ATAD2B: variants seen among roughly 807,000 people sequenced by gnomAD.
ATAD2B encodes ATPase family AAA domain containing 2B.
ATAD2B carries 40 observed loss-of-function variants against 167.6 expected under a neutral mutation model. The ratio of observed to expected loss-of-function variants is 0.24; its 90% CI spans 0.19 to 0.31. The LOEUF is 0.31. Among genes scored for constraint, ATAD2B ranks in the 10% least tolerant of loss-of-function variants. The probability of loss-of-function intolerance (pLI) is 1.00; values close to 1 mark genes in which losing one functional copy is unlikely to be tolerated. For synonymous variants in ATAD2B, 579 were observed against 596.5 expected (o/e 0.97, Z 0.43); for missense variants, 1,242 against 1,757.2 (o/e 0.71, Z 5.24).
At chr2:23,771,651 C>T (rs1324644142) in intron 22 of ATAD2B, among the ~76,000 whole-genome samples, 1 of 152,090 alleles carries the variant, frequency 6.6e-6, no homozygotes, top group African/African-American at 2.4e-5. Context: ...CCTTTTTCCT[C>T]TTTTTCTCAC....
At chr2:23,857,773 G>A (rs1297628142) in intron 12 of ATAD2B, among the ~76,000 whole-genome samples, 2 of 126,640 alleles carry the variant, frequency 1.6e-5, no homozygotes, top group Non-Finnish European at 1.6e-5. Context: ...ACGGAGTCTC[G>A]CTCTGTCACC....
At chr2:23,881,172 G>A (rs992492033) in intron 6 of ATAD2B, among the ~76,000 whole-genome samples, 5 of 152,040 alleles carry the variant, frequency 3.3e-5, no homozygotes, top group Non-Finnish European at 5.9e-5. Context: ...ATGCTTATAG[G>A]TAATTACTAA....
At chr2:23,775,501 C>T (rs930519879) in intron 22 of ATAD2B, among the ~76,000 whole-genome samples, 1 of 152,006 alleles carries the variant, frequency 6.6e-6, no homozygotes, top group African/African-American at 2.4e-5. Context: ...CGTGAGCCAC[C>T]GTGCCCAGCC....
At chr2:23,810,947 G>T (rs928506045) in intron 17 of ATAD2B, among the ~76,000 whole-genome samples, 1 of 151,278 alleles carries the variant, frequency 6.6e-6, no homozygotes, top group African/African-American at 2.4e-5. Flanking sequence ...GGAGGCGAAG[G>T]TTGCAGTGAG....
rs777450677 is a variant in ATAD2B, at chr2:23,895,955, C to A, written c.232G>T (p.Gly78Cys). The A allele has an allele frequency of 5.0e-6, 8 of 1,611,812 alleles. No homozygotes were observed. The highest frequency in any genetic ancestry group is 6.8e-6 in the Non-Finnish European group (8 of 1,178,602). ...GATACGTGGCTATCACTTAAACTAC[C>A]ATCAACTTCAACTTTCTGAAAGACA... ...LDEARKVEVD[G>C]SLSDSHVSPP... Residue 78 changes from glycine (G) to cysteine (C), a missense_variant, in exon 2 of 28, where the codon GGT becomes TGT. By Grantham distance (159) the Gly-to-Cys change is radical. Transcript: ENST00000238789.
chr2:23,769,538 CAT>C (rs1677978395), intron 22 of ATAD2B, among the ~76,000 whole-genome samples: 1 of 152,106 alleles, frequency 6.6e-6, no homozygotes, highest in Admixed American at 6.5e-5. Context: ...GACTATAATA[CAT>C]ATGTTAAACA....
At chr2:23,735,239 T>G in the ATAD2B span, among the ~76,000 whole-genome samples, 1 of 152,220 alleles carries the variant, frequency 6.6e-6, no homozygotes. Flanking sequence ...AAACTGACTT[T>G]TTGACCTCTA....
At chr2:23,923,949 G>T (rs1307881779) in intron 1 of ATAD2B, among the ~76,000 whole-genome samples, 1 of 152,148 alleles carries the variant, frequency 6.6e-6, no homozygotes, top group Non-Finnish European at 1.5e-5. Flanking sequence ...TTGGGAGGCC[G>T]AGGCGGGCTG....
At position 23,923,743 on chromosome 2, in the gene ATAD2B, A is replaced by T. The variant is rs569893609; in HGVS notation, c.216+2812T>A. Reference sequence around the variant, plus strand: ...ATATTTTCCCCCATCCTATGCATATACTACTTGGGAAAAAGACAAAACTTT... The same window carrying T: ...ATATTTTCCCCCATCCTATGCATATTCTACTTGGGAAAAAGACAAAACTTT... On this transcript the variant is annotated intron_variant, in intron 1 of 27. Coordinates refer to ENST00000238789, the MANE Select transcript of ATAD2B (RefSeq NM_017552.4). Among the ~76,000 whole-genome samples, 5 of 152,358 alleles carry T rather than the reference A, an allele frequency of 3.3e-5. No homozygotes were observed. The South Asian group carries it at 1.0e-3, about 32-fold the overall frequency.
At chr2:23,713,524 C>T in the ATAD2B span, among the ~76,000 whole-genome samples, 1 of 152,022 alleles carries the variant, frequency 6.6e-6, no homozygotes, top group African/African-American at 2.4e-5. Flanking sequence ...TTGCAGAACA[C>T]TTTCATCACC....
intron 25 of ATAD2B, among the ~76,000 whole-genome samples, chr2:23,755,968 G>C (rs950941904): frequency 1.3e-5 from 2 of 152,096 alleles, no homozygotes; most frequent in African/African-American, 4.8e-5. Context: ...CCAAATGAAA[G>C]CTTCAGGTCA....
At chr2:23,783,641 T>A (rs1680385038) in intron 21 of ATAD2B, among the ~76,000 whole-genome samples, 1 of 152,072 alleles carries the variant, frequency 6.6e-6, no homozygotes, top group African/African-American at 2.4e-5. Flanking sequence ...CAAACAAACA[T>A]GCTGCTTTCT....
At chr2:23,716,956 CAGA>C in the ATAD2B span, among the ~76,000 whole-genome samples, 5 of 152,166 alleles carry the variant, frequency 3.3e-5, no homozygotes, top group African/African-American at 9.7e-5. Context: ...CTGTGCTTGG[CAGA>C]AGAACACACC....
At chr2:23,770,325 T>C (rs10183686) in intron 22 of ATAD2B, among the ~76,000 whole-genome samples, 50 of 151,782 alleles carry the variant, frequency 3.3e-4, no homozygotes, top group Middle Eastern at 3.4e-3. Flanking sequence ...AAAAAATAAA[T>C]AAACAAATAA....
intron 22 of ATAD2B, among the ~76,000 whole-genome samples, chr2:23,781,285 AATCATGT>A (rs1478110576): frequency 1.3e-5 from 2 of 152,034 alleles, no homozygotes; most frequent in African/African-American, 4.8e-5. Flanking sequence ...CACTCTGTCT[AATCATGT>A]CTAAACACAG....
In ATAD2B at chr2:23,782,934, A is replaced by T. The variant is rs1188854858; in HGVS notation, c.3068T>A (p.Phe1023Tyr). The T allele has an allele frequency of 6.2e-7, 1 of 1,611,726 alleles. No homozygotes were observed. The highest frequency in any genetic ancestry group is 8.5e-7 in the Non-Finnish European group (1 of 1,178,230). The change falls in exon 22 of 28, where the codon TTC becomes TAC. Residue 1023 changes from phenylalanine (F) to tyrosine (Y), a missense_variant. Physicochemically the swap from Phe to Tyr is conservative, Grantham distance 22. Transcript: ENST00000238789. ...DKHNYLTAKD[F>Y]LKDIDLICSN... Reference sequence around the variant, plus strand: ...ACAGATGAGGTCAATATCTTTCAGGAAATCCTTTGCAGTCAGGTAATTATG... The same window carrying T: ...ACAGATGAGGTCAATATCTTTCAGGTAATCCTTTGCAGTCAGGTAATTATG...
At chr2:23,887,032 CT>C (rs1368731193) in intron 4 of ATAD2B, among the ~76,000 whole-genome samples, 4 of 152,032 alleles carry the variant, frequency 2.6e-5, no homozygotes, top group Admixed American at 6.6e-5. Context: ...AATCCCAGCA[CT>C]TTGGGAGGCC....
the ATAD2B span, among the ~76,000 whole-genome samples, chr2:23,694,698 C>A: frequency 1.3e-5 from 2 of 152,194 alleles, no homozygotes; most frequent in Non-Finnish European, 2.9e-5. Context: ...ACACACCATT[C>A]TCTTTCACTC....
intron 16 of ATAD2B, among the ~76,000 whole-genome samples, chr2:23,822,012 C>A (rs775484201): frequency 6.6e-6 from 1 of 152,138 alleles, no homozygotes; most frequent in Non-Finnish European, 1.5e-5. Flanking sequence ...AAAGTACAAT[C>A]TGAGGCTTGA....
Sources: allele counts gnomAD v4.1 joint callset (sites outside exome capture counted in the v4.1 genomes callset), GRCh38; gene constraint gnomAD v4.1.1; transcripts MANE v1.5; gene names NCBI Gene and HGNC (gene_info 2026-07-23, HGNC 2026-07-21).